The following STK36 variants were observed in gnomAD, a reference collection of about 807,000 sequenced individuals.
STK36 encodes serine/threonine-protein kinase 36.
A neutral mutation model predicts 142.2 loss-of-function variants in STK36; 116 were observed. The ratio of observed to expected loss-of-function variants is 0.82; its 90% CI spans 0.70 to 0.95. The LOEUF is 0.95. STK36 is among the 40% of genes least tolerant of loss of function. STK36 has a pLI of 0.00. For missense variants in STK36, 1,422 were observed against 1,617.2 expected, an observed-to-expected ratio of 0.88 and a Z score of 2.07; for synonymous variants, 619 against 641.7, an observed-to-expected ratio of 0.96 and a Z score of 0.53.
rs1941142642 is a variant in STK36 at position 218,694,370 on chromosome 2, AT to A, written c.2400+44del. ...ACCCTCCTCCCCTTTTCACCCTAGC[AT>A]CTACCCCTTGTGGAAGTGGGGGAGT... On this transcript the variant is annotated intron_variant, in intron 20 of 26. Coordinates refer to ENST00000295709, the MANE Select transcript of STK36 (RefSeq NM_015690.5). The surrounding 1 kb of genome is among the most constrained non-coding windows in gnomAD (Gnocchi z 4.4). The A allele has an allele frequency of 3.2e-6, 5 of 1,581,718 alleles. No individual in the cohort carries two copies. The South Asian group carries it at 5.5e-5, about 17-fold the overall frequency.
In STK36 at chr2:218,690,584, T is replaced by C. The variant is rs748723414; in HGVS notation, c.1764+29T>C. The C allele has an allele frequency of 1.4e-5, 22 of 1,548,066 alleles. No homozygotes were observed. In the African/African-American group the frequency reaches 1.8e-4, roughly 12 times the overall value. On this transcript the variant is annotated intron_variant, in intron 14 of 26. Transcript: ENST00000295709. ...ATCTGCTCCCACTTCCAGATTTCTG[T>C]GTCTCCTATCATTCTCCGTGTTTCT...
chr2:218,688,897 C>A, intron 12 of STK36, 21 bp downstream of exon 12: 1 of 1,570,734 alleles, frequency 6.4e-7, no homozygotes, highest in Non-Finnish European at 8.6e-7. Context: ...GGCCAGAAGC[C>A]TCTGAAGACT....
At position 218,698,583 on chromosome 2, in the gene STK36, T is replaced by G; in HGVS notation, c.3058-19T>G. ...ATACTCTCTCTCTCCCTGAATCCTTTTACCTCCTGTTCTCTCAGGTCTGCT... is the reference window on the plus strand; with the variant it reads ...ATACTCTCTCTCTCCCTGAATCCTTGTACCTCCTGTTCTCTCAGGTCTGCT... On this transcript the variant is annotated intron_variant, in intron 25 of 26. Transcript: ENST00000295709. The G allele has an allele frequency of 2.5e-6, 4 of 1,608,802 alleles. No individual in the cohort carries two copies. Among genetic ancestry groups the G allele is most frequent in the Non-Finnish European group, 3.4e-6 (4 of 1,176,898 alleles).
chr2:218,694,697 C>A lies in STK36; in HGVS notation c.2511+62C>A. 1 of 1,417,654 alleles carries A rather than the reference C, an allele frequency of 7.1e-7. No individual in the cohort carries two copies. Among genetic ancestry groups the A allele is most frequent in the African/African-American group, 1.4e-5 (1 of 71,252 alleles). The allele number at this position is 1,417,654 out of a possible 1,614,324, so 87.8% of individuals were successfully genotyped here. A position where few individuals can be genotyped will look rare whatever the true frequency, so the allele number is the denominator to read the frequency against. On this transcript the variant is annotated intron_variant, in intron 21 of 26. Coordinates refer to ENST00000295709, the MANE Select transcript of STK36 (RefSeq NM_015690.5). The surrounding 1 kb of genome is among the most constrained non-coding windows in gnomAD (Gnocchi z 4.4). ...CTGAGTCAGACACTAGGACTGCATT[C>A]AAGGGGAAAAGACTGAAATGCCAGC...
chr2:218,675,762 G>C lies in STK36; in HGVS notation c.435-267G>C, dbSNP rs544810620. 5.9e-5 allele frequency among the ~76,000 whole-genome samples: 9 copies of C among 152,056 alleles called. No homozygotes were observed. The South Asian group carries it at 1.7e-3, about 28-fold the overall frequency. On this transcript the variant is annotated intron_variant, in intron 5 of 26. Coordinates refer to ENST00000295709, the MANE Select transcript of STK36 (RefSeq NM_015690.5). ...TGGTCTCGAACTCCTGACCTCAGGT[G>C]ATCTGCCCACCTCGGCCTCCCAAAG...
intron 11 of STK36, among the ~76,000 whole-genome samples, 177 bp downstream of exon 11, chr2:218,685,405 G>C (rs1559336327): frequency 1.3e-5 from 2 of 152,090 alleles, no homozygotes; most frequent in Non-Finnish European, 2.9e-5. Context: ...GCAGCCCTCA[G>C]GTTTCTTTTT....
chr2:218,687,634 A>G (rs1299236848), intron 11 of STK36, among the ~76,000 whole-genome samples: 3 of 151,522 alleles, frequency 2.0e-5, no homozygotes, highest in Non-Finnish European at 2.9e-5. Flanking sequence ...TAGGGATAAG[A>G]CTCCCTCTGG....
In STK36 at chr2:218,691,053, G is replaced by A. The variant is rs151020474; in HGVS notation, c.1764+498G>A. ...TATTTCAGGGGACCACAAATAGAAC[G>A]ACTTCTTCTTGAAAAGACTTGCAGA... On this transcript the variant is annotated intron_variant, in intron 14 of 26. Transcript: ENST00000295709. 1.7e-3 allele frequency among the ~76,000 whole-genome samples: 259 copies of A among 152,168 alleles called. 1 individual carries two copies. The highest frequency in any genetic ancestry group is 6.0e-3 in the African/African-American group (248 of 41,514).
In STK36 at chr2:218,679,356, C is replaced by T. The variant is rs968350595; in HGVS notation, c.778+95C>T. 2.7e-5 allele frequency: 36 copies of T among 1,357,752 alleles called. No homozygotes were observed. The African/African-American group carries it at 2.7e-4, about 10-fold the overall frequency. The allele number at this position is 1,357,752 out of a possible 1,614,324, so 84.1% of individuals were successfully genotyped here. Reference sequence around the variant, plus strand: ...CCCCGACCATCTAGATATAACATGTCGTCTTTCCTCCAGCAGCTTGAACTT... The same window carrying T: ...CCCCGACCATCTAGATATAACATGTTGTCTTTCCTCCAGCAGCTTGAACTT... On this transcript the variant is annotated intron_variant, in intron 7 of 26. Coordinates refer to ENST00000295709, the MANE Select transcript of STK36 (RefSeq NM_015690.5).
At chr2:218,689,792 C>G in intron 12 of STK36, 67 bp from the exon 13 acceptor site, 1 of 1,448,796 alleles carries the variant, frequency 6.9e-7, no homozygotes, top group Non-Finnish European at 9.5e-7. Flanking sequence ...ACCCTTTCTA[C>G]TGTTTTTTCT....
intron 22 of STK36, chr2:218,696,836 A>G: frequency 1.1e-6 from 1 of 922,106 alleles, no homozygotes; most frequent in South Asian, 1.3e-5. Flanking sequence ...GGGTTTCAGC[A>G]GACATACACA....
At chr2:218,693,678 G>C in intron 17 of STK36, 45 bp from the exon 18 acceptor site, 2 of 1,561,784 alleles carry the variant, frequency 1.3e-6, no homozygotes, top group Non-Finnish European at 8.7e-7. Flanking sequence ...CTTGGAGCCC[G>C]GGGCCTGCCC....
Position 218,693,948 on chromosome 2 carries a change from CCTT to C in STK36, c.2305_2307del (p.Leu769del), listed in dbSNP as rs1263334733. Reference sequence around the variant, plus strand: ...CTGAAGTGACACTCTACTTCCTCTCCCTTCTTGTCTTTCGGCTCCAAAACCTGC... The same window carrying C: ...CTGAAGTGACACTCTACTTCCTCTCCCTTGTCTTTCGGCTCCAAAACCTGC... On this transcript the variant is annotated inframe_deletion, in exon 19 of 27. Transcript: ENST00000295709. The C allele has an allele frequency of 5.6e-6, 9 of 1,614,128 alleles. No homozygotes were observed. The highest frequency in any genetic ancestry group is 1.7e-5 in the Admixed American group (1 of 60,010).
At chr2:218,692,405 T>C (rs182489417) in intron 15 of STK36, 112 bp downstream of exon 15, 2 of 1,511,952 alleles carry the variant, frequency 1.3e-6, no homozygotes, top group South Asian at 1.3e-5. Context: ...AGGTGCTCAA[T>C]AAATAACTGT....
Position 218,697,897 on chromosome 2 carries a change from T to C in STK36, c.2953T>C (p.Cys985Arg). 1 of 1,614,230 alleles carries C rather than the reference T, an allele frequency of 6.2e-7. No homozygotes were observed. Among genetic ancestry groups the C allele is most frequent in the Non-Finnish European group, 8.5e-7 (1 of 1,180,036 alleles). The change falls in exon 25 of 27, where the codon TGC (cysteine) becomes CGC (arginine). Residue 985 changes from cysteine to arginine, a missense_variant. Physicochemically the swap from Cys to Arg is radical, Grantham distance 180 (BLOSUM62 -3). Coordinates refer to ENST00000295709, the MANE Select transcript of STK36 (RefSeq NM_015690.5). ...EFLPVVVLSV[C>R]QLLCFPFALD... ...TCTCCCTGTCGTGGTGCTCTCTGTC[T>C]GCCAGCTCCTTTGCTTCCCCTTTGC... is the stretch of plus-strand genomic sequence containing the variant.
chr2:218,673,943 T>G lies in STK36; in HGVS notation c.290T>G (p.Leu97Arg), dbSNP rs1468354656. The G allele has an allele frequency of 1.2e-6, 2 of 1,614,000 alleles. No homozygotes were observed. The highest frequency in any genetic ancestry group is 1.7e-6 in the Non-Finnish European group (2 of 1,179,964). The change falls in exon 4 of 27, where the codon CTT becomes CGT. Residue 97 changes from leucine (L) to arginine (R), a missense_variant. Leu to Arg is a moderately radical substitution (Grantham distance 102, BLOSUM62 -2). This residue lies in a region of STK36 where 460 missense variants were observed against 449.6 expected (regional missense o/e 1.02). Transcript: ENST00000295709. Reference sequence around the variant, plus strand: ...CAGATCCTAGAAGATGACGGAAAACTTCCTGAAGACCAGGTATGCTTTCTG... The same window carrying G: ...CAGATCCTAGAAGATGACGGAAAACGTCCTGAAGACCAGGTATGCTTTCTG... ...LFQILEDDGK[L>R]PEDQVQAIAA...
intron 10 of STK36, among the ~76,000 whole-genome samples, chr2:218,683,164 T>C (rs1208540595): frequency 6.6e-6 from 1 of 152,166 alleles, no homozygotes; most frequent in Non-Finnish European, 1.5e-5. Context: ...GGGTGGACTA[T>C]AGTGGTGCAA....
rs1171842081 is a variant in STK36 at position 218,696,526 on chromosome 2, G to C, written c.2512-1G>C. ...GCATTCTTCATGTTTCTCTCTGACAGGTTCGGTTGACTCCACCAGGTAGTT... is the reference window on the plus strand; with the variant it reads ...GCATTCTTCATGTTTCTCTCTGACACGTTCGGTTGACTCCACCAGGTAGTT... On this transcript the variant is annotated splice_acceptor_variant, in intron 21 of 26. Transcript: ENST00000295709. LOFTEE classifies it high-confidence loss of function. 5.0e-6 allele frequency: 8 copies of C among 1,613,942 alleles called. No homozygotes were observed. The highest frequency in any genetic ancestry group is 6.8e-6 in the Non-Finnish European group (8 of 1,179,956).
intron 10 of STK36, 72 bp from the exon 11 acceptor site, chr2:218,685,013 T>G: frequency 6.3e-7 from 1 of 1,581,334 alleles, no homozygotes; most frequent in South Asian, 1.1e-5. Flanking sequence ...TCCCCATGGT[T>G]TCTACTGGTT....
Sources: gnomAD v4.1 joint callset for allele counts (sites outside exome capture counted in the v4.1 genomes callset) on GRCh38, gnomAD v4.1.1 for gene constraint, gnomAD v4.1.1 regional missense constraint, Gnocchi (gnomAD v3.1) non-coding constraint, MANE v1.5 for transcripts, NCBI Gene and HGNC (gene_info 2026-07-23, HGNC 2026-07-21) for gene names.